GRM8: variants seen among roughly 807,000 people sequenced by gnomAD.
GRM8 encodes the protein glutamate metabotropic receptor 8, also known as metabotropic glutamate receptor 8.
GRM8 carries 47 observed loss-of-function variants against 87.2 expected under a neutral mutation model. The observed-to-expected ratio is 0.54, with a 90% CI of 0.43 to 0.69. The LOEUF (loss-of-function observed/expected upper bound fraction) is 0.69. GRM8 is among the 30% of genes least tolerant of loss of function. The pLI, the probability that GRM8 is intolerant of heterozygous loss-of-function variation, is 0.00. For synonymous variants in GRM8, 396 were observed against 404.5 expected (o/e 0.98, Z 0.25); for missense variants, 1,019 against 1,139.2 (o/e 0.89, Z 1.52).
intron 7 of GRM8, among the ~76,000 whole-genome samples, chr7:126,675,253 A>C (rs184276747): frequency 4.6e-5 from 7 of 152,282 alleles, no homozygotes; most frequent in Admixed American, 4.6e-4. Context: ...CTTAAAAAAA[A>C]ATCTCCCTAC....
chr7:126,723,779 CTA>C (rs1812682601), intron 7 of GRM8, among the ~76,000 whole-genome samples: 1 of 152,140 alleles, frequency 6.6e-6, no homozygotes, highest in Non-Finnish European at 1.5e-5. Flanking sequence ...TAAGCAAACT[CTA>C]TGTCTCCTAA....
chr7:127,216,465 C>G (rs1424785121), intron 2 of GRM8, among the ~76,000 whole-genome samples: 16 of 146,260 alleles, frequency 1.1e-4, no homozygotes, highest in Admixed American at 2.1e-4. Flanking sequence ...TTGCAGTGAG[C>G]CAAGATCGCG....
At chr7:126,527,520 C>G (rs1257584830) in intron 9 of GRM8, among the ~76,000 whole-genome samples, 1 of 152,194 alleles carries the variant, frequency 6.6e-6, no homozygotes, top group South Asian at 2.1e-4. Context: ...AGACAAGGTA[C>G]AGCTGAAAAT....
At chr7:127,044,279 G>A (rs929230637) in intron 3 of GRM8, among the ~76,000 whole-genome samples, 3 of 152,112 alleles carry the variant, frequency 2.0e-5, no homozygotes, top group South Asian at 4.2e-4. Context: ...TCAAGGGCTG[G>A]AGATTTCCTG....
At chr7:127,222,794 G>C (rs1797020005) in intron 2 of GRM8, among the ~76,000 whole-genome samples, 1 of 152,166 alleles carries the variant, frequency 6.6e-6, no homozygotes, top group Non-Finnish European at 1.5e-5. Context: ...CTTGATCAAG[G>C]TTAAGCAACA....
chr7:126,647,158 A>T (rs748109460), intron 7 of GRM8, among the ~76,000 whole-genome samples: 15 of 152,126 alleles, frequency 9.9e-5, no homozygotes, highest in Non-Finnish European at 1.8e-4. Context: ...TCAGGAAGTG[A>T]GGTGGGAAGA....
intron 2 of GRM8, among the ~76,000 whole-genome samples, chr7:127,210,255 T>C (rs1796138313): frequency 6.6e-6 from 1 of 152,206 alleles, no homozygotes. Context: ...GCATTACAAT[T>C]CAGACTAGAT....
intron 7 of GRM8, among the ~76,000 whole-genome samples, chr7:126,750,567 A>G (rs971296253): frequency 6.6e-6 from 1 of 152,122 alleles, no homozygotes; most frequent in Admixed American, 6.6e-5. Context: ...CATGAATGTT[A>G]ATATCCAAGC....
chr7:126,901,030 C>T (rs918104875), intron 6 of GRM8, among the ~76,000 whole-genome samples: 1 of 152,198 alleles, frequency 6.6e-6, no homozygotes, highest in African/African-American at 2.4e-5. Flanking sequence ...TCTGGAACTT[C>T]TGGAAAGAAC....
intron 3 of GRM8, among the ~76,000 whole-genome samples, chr7:126,976,721 C>T (rs1360426645): frequency 1.3e-5 from 2 of 152,076 alleles, no homozygotes; most frequent in Admixed American, 1.3e-4. Context: ...AATGACTGCA[C>T]ATGTGGAATA....
rs373412832 is a variant in GRM8 at position 126,770,579 on chromosome 7, AAT to A, written c.1157-516_1157-515del. On this transcript the variant is annotated intron_variant, in intron 6 of 10. Coordinates refer to ENST00000339582, the MANE Select transcript of GRM8 (RefSeq NM_000845.3). ...CTTAAGTGACCCTGGTTATCTTTAT[AAT>A]AATCATTCAATTTGTTTTCTTTTTG... Among the ~76,000 whole-genome samples, 617 of 152,166 alleles carry A rather than the reference AAT, an allele frequency of 4.1e-3. 7 individuals are homozygous for A. Among genetic ancestry groups the A allele is most frequent in the South Asian group, 0.037 (179 of 4,824 alleles).
chr7:126,881,907 C>T (rs943357300), intron 6 of GRM8, among the ~76,000 whole-genome samples: 5 of 152,048 alleles, frequency 3.3e-5, no homozygotes, highest in Non-Finnish European at 7.4e-5. Flanking sequence ...AAACCTCTTA[C>T]AAAACATGTA....
chr7:126,970,145 G>A (rs1344389071), intron 3 of GRM8, among the ~76,000 whole-genome samples: 1 of 152,056 alleles, frequency 6.6e-6, no homozygotes, highest in Non-Finnish European at 1.5e-5. Context: ...GGGCCCTAGG[G>A]TTTTCAAGAT....
At chr7:126,667,937 G>A (rs544127718) in intron 7 of GRM8, among the ~76,000 whole-genome samples, 3 of 152,254 alleles carry the variant, frequency 2.0e-5, no homozygotes, top group Admixed American at 1.3e-4. Flanking sequence ...CTTTTGCTTC[G>A]ACCTTTATCT....
At chr7:126,761,661 C>G (rs1362000) in intron 7 of GRM8, among the ~76,000 whole-genome samples, 1 of 151,894 alleles carries the variant, frequency 6.6e-6, no homozygotes, top group South Asian at 2.1e-4. Context: ...AAGCCAAACT[C>G]GGCACAGGTT....
chr7:127,142,457 G>A (rs761322122), intron 2 of GRM8, among the ~76,000 whole-genome samples: 6 of 152,142 alleles, frequency 3.9e-5, no homozygotes, highest in Non-Finnish European at 8.8e-5. Flanking sequence ...GACAAGTAGT[G>A]CTTTTCAAAT....
intron 7 of GRM8, among the ~76,000 whole-genome samples, chr7:126,717,910 T>C (rs889280980): frequency 6.6e-6 from 1 of 152,124 alleles, no homozygotes; most frequent in Non-Finnish European, 1.5e-5. Flanking sequence ...TTAGATAGGT[T>C]CCTTAGTTTG....
At chr7:127,087,356 G>A (rs1444651841) in intron 3 of GRM8, among the ~76,000 whole-genome samples, 2 of 152,222 alleles carry the variant, frequency 1.3e-5, no homozygotes, top group East Asian at 1.9e-4. Flanking sequence ...CGAAGAGTAT[G>A]AGACCAATAT....
chr7:126,985,098 C>A (rs566056723), intron 3 of GRM8, among the ~76,000 whole-genome samples: 2 of 152,098 alleles, frequency 1.3e-5, no homozygotes, highest in African/African-American at 4.8e-5. Flanking sequence ...CTTATTGACA[C>A]AAATGAGAGT....
Sources: gnomAD v4.1 joint callset for allele counts (sites outside exome capture counted in the v4.1 genomes callset) on GRCh38, gnomAD v4.1.1 for gene constraint, MANE v1.5 for transcripts, NCBI Gene and HGNC (gene_info 2026-07-23, HGNC 2026-07-21) for gene names.